The following MEMO1 variants were observed in gnomAD, a reference collection of about 807,000 sequenced individuals.
MEMO1 encodes the protein protein MEMO1.
MEMO1 carries 6 observed loss-of-function variants against 45.2 expected under a neutral mutation model. The observed-to-expected ratio is 0.13, with a 90% CI of 0.07 to 0.26. The LOEUF is 0.26. Among genes scored for constraint, MEMO1 ranks in the 10% least tolerant of loss-of-function variants. The pLI is 1.00. For synonymous variants in MEMO1, 78 were observed against 124.3 expected (o/e 0.63, Z 2.48); for missense variants, 184 against 370.5 (o/e 0.50, Z 4.13).
rs113195396 is a variant in MEMO1 at position 31,917,573 on chromosome 2, C to T, written c.437+353G>A. Among the ~76,000 whole-genome samples, 8 of 151,998 alleles carry T rather than the reference C, an allele frequency of 5.3e-5. 2 individuals carry two copies. Among genetic ancestry groups the T allele is most frequent in the South Asian group, 2.1e-4 (1 of 4,800 alleles). ...CATTAAATACAAGCCTAAAATTTTACGATTAATTATAGCATTGTACCATAA... is the reference window on the plus strand; with the variant it reads ...CATTAAATACAAGCCTAAAATTTTATGATTAATTATAGCATTGTACCATAA... On this transcript the variant is annotated intron_variant, in intron 6 of 9. Transcript: ENST00000404530.
rs74929433 is a variant in MEMO1 at position 32,005,014 on chromosome 2, T to C, written c.61+5173A>G. 6.1e-3 allele frequency among the ~76,000 whole-genome samples: 915 copies of C among 150,912 alleles called. 12 individuals are homozygous for C. The highest frequency in any genetic ancestry group is 0.021 in the African/African-American group (857 of 41,180). On this transcript the variant is annotated intron_variant, in intron 2 of 9. Transcript: ENST00000404530. ...ATATCCATCAAAAATCACATATACATTGACCAAAAAAAGGTATAAAAGTGT... is the reference window on the plus strand; with the variant it reads ...ATATCCATCAAAAATCACATATACACTGACCAAAAAAAGGTATAAAAGTGT...
At chr2:31,875,771 C>A (rs911039747) in intron 8 of MEMO1, among the ~76,000 whole-genome samples, 1 of 152,114 alleles carries the variant, frequency 6.6e-6, no homozygotes, top group Non-Finnish European at 1.5e-5. Context: ...ACTGTAACCT[C>A]CACCTACCAG....
chr2:31,925,077 T>C (rs528912669), intron 4 of MEMO1, among the ~76,000 whole-genome samples: 3 of 152,218 alleles, frequency 2.0e-5, no homozygotes, highest in Non-Finnish European at 4.4e-5. Flanking sequence ...TAATACCTGA[T>C]GTATACTGGT....
intron 8 of MEMO1, among the ~76,000 whole-genome samples, chr2:31,873,656 G>A (rs565237941): frequency 2.6e-5 from 4 of 152,136 alleles, no homozygotes; most frequent in African/African-American, 4.8e-5. Flanking sequence ...AGGCACTTAC[G>A]AAATAAAAAC....
intron 8 of MEMO1, among the ~76,000 whole-genome samples, chr2:31,877,898 T>C (rs967767115): frequency 1.6e-4 from 25 of 152,354 alleles, no homozygotes; most frequent in African/African-American, 6.0e-4. Context: ...CATTAATTTA[T>C]TCATTTGAAA....
intron 6 of MEMO1, among the ~76,000 whole-genome samples, chr2:31,905,602 A>T (rs1164120423): frequency 1.3e-5 from 2 of 152,196 alleles, no homozygotes; most frequent in African/African-American, 4.8e-5. Flanking sequence ...AATCATAGAG[A>T]AATTCCTGCA....
rs200402773 is a variant in MEMO1 at position 31,926,059 on chromosome 2, CAGA to C, written c.213-5152_213-5150del. On this transcript the variant is annotated intron_variant, in intron 4 of 9. Coordinates refer to ENST00000404530, the MANE Select transcript of MEMO1 (RefSeq NM_001301833.4). ...CGGCTATTCCAATTTAGGTAGCTGG[CAGA>C]AGATTTCCCCAAAGTGAATGGAAGT... is the stretch of plus-strand genomic sequence containing the variant. 7.8e-3 allele frequency among the ~76,000 whole-genome samples: 1,190 copies of C among 152,198 alleles called. 12 individuals carry two copies. Among genetic ancestry groups the C allele is most frequent in the Middle Eastern group, 0.055 (16 of 292 alleles).
At chr2:31,983,307 A>G (rs970491316) in intron 2 of MEMO1, among the ~76,000 whole-genome samples, 1 of 152,228 alleles carries the variant, frequency 6.6e-6, no homozygotes, top group African/African-American at 2.4e-5. Context: ...GGATAGATAC[A>G]GAAAGAGATA....
At chr2:31,905,708 A>C (rs553597158) in intron 6 of MEMO1, among the ~76,000 whole-genome samples, 1 of 152,312 alleles carries the variant, frequency 6.6e-6, no homozygotes, top group African/African-American at 2.4e-5. Flanking sequence ...CAATATTATA[A>C]GGCCTTGAAC....
intron 2 of MEMO1, among the ~76,000 whole-genome samples, chr2:31,997,352 T>C (rs1054656200): frequency 6.6e-6 from 1 of 152,108 alleles, no homozygotes; most frequent in Admixed American, 6.6e-5. Flanking sequence ...ACGCACTATA[T>C]TCAGAAAGAC....
At chr2:31,959,062 T>C (rs1667705394) in intron 2 of MEMO1, among the ~76,000 whole-genome samples, 1 of 152,142 alleles carries the variant, frequency 6.6e-6, no homozygotes, top group Non-Finnish European at 1.5e-5. Flanking sequence ...ATAATACCAG[T>C]ACCAATAACA....
intron 6 of MEMO1, among the ~76,000 whole-genome samples, chr2:31,914,948 C>A (rs1681199326): frequency 7.0e-6 from 1 of 142,066 alleles, no homozygotes; most frequent in Non-Finnish European, 1.5e-5. Flanking sequence ...CAGAATGAGA[C>A]CCTGTCTCTT....
intron 8 of MEMO1, among the ~76,000 whole-genome samples, chr2:31,882,216 G>A (rs534990783): frequency 6.6e-6 from 1 of 152,188 alleles, no homozygotes; most frequent in East Asian, 1.9e-4. Flanking sequence ...CTACTCAGGA[G>A]GCTAAGGCAG....
intron 2 of MEMO1, among the ~76,000 whole-genome samples, chr2:31,985,691 G>C (rs1439065451): frequency 1.3e-5 from 2 of 152,062 alleles, no homozygotes; most frequent in Non-Finnish European, 2.9e-5. Flanking sequence ...CAATTGTTTA[G>C]AATCACATTT....
chr2:31,878,622 G>C (rs75330388), intron 8 of MEMO1, among the ~76,000 whole-genome samples: 1 of 152,164 alleles, frequency 6.6e-6, no homozygotes, highest in Non-Finnish European at 1.5e-5. Context: ...CGGTGTTTGA[G>C]CACGTGCTTC....
At chr2:32,009,530 C>G (rs983360245) in intron 2 of MEMO1, among the ~76,000 whole-genome samples, 6 of 152,186 alleles carry the variant, frequency 3.9e-5, no homozygotes, top group Non-Finnish European at 7.3e-5. Context: ...TGCAAGACAG[C>G]GGAGCCCCTT....
chr2:31,966,720 A>G (rs111490936), intron 2 of MEMO1, among the ~76,000 whole-genome samples: 58,224 of 139,680 alleles, frequency 0.42, 12,900 homozygotes, highest in Non-Finnish European at 0.47. Flanking sequence ...GTAACAGAGC[A>G]AGACTCTGTC....
At chr2:31,976,932 T>A (rs1558548272) in intron 2 of MEMO1, among the ~76,000 whole-genome samples, 1 of 152,144 alleles carries the variant, frequency 6.6e-6, no homozygotes, top group Non-Finnish European at 1.5e-5. Flanking sequence ...TTTGTGTATA[T>A]GACACTAACT....
At chr2:31,954,991 A>G (rs974221916) in intron 2 of MEMO1, among the ~76,000 whole-genome samples, 1 of 152,106 alleles carries the variant, frequency 6.6e-6, no homozygotes, top group South Asian at 2.1e-4. Context: ...ATGTAATCCC[A>G]GTACTTTGAA....
Sources: allele counts gnomAD v4.1 joint callset (sites outside exome capture counted in the v4.1 genomes callset), GRCh38; gene constraint gnomAD v4.1.1; transcripts MANE v1.5; gene names NCBI Gene and HGNC (gene_info 2026-07-23, HGNC 2026-07-21).